Variants in ZDHHC7 observed in about 807,000 individuals in gnomAD.
ZDHHC7 encodes the protein zDHHC palmitoyltransferase 7, also known as palmitoyltransferase ZDHHC7.
Under a neutral mutation model 34.1 loss-of-function variants are expected in ZDHHC7, and 12 were observed. The observed-to-expected ratio is 0.35, with a 90% confidence interval of 0.23 to 0.57. ZDHHC7 has a LOEUF of 0.57. ZDHHC7 is among the 20% of genes least tolerant of loss of function. The pLI is 0.84. For synonymous variants in ZDHHC7, 185 were observed against 155.4 expected, an observed-to-expected ratio of 1.19 and a Z score of -1.42; for missense variants, 388 against 402.7, an observed-to-expected ratio of 0.96 and a Z score of 0.31.
intron 3 of ZDHHC7, among the ~76,000 whole-genome samples, chr16:84,987,448 G>A (rs1047318387): frequency 6.9e-6 from 1 of 145,210 alleles, no homozygotes; most frequent in African/African-American, 2.5e-5. Flanking sequence ...TTTGGGGTTT[G>A]TTTTTTTTTT....
At position 84,977,203 on chromosome 16, in the gene ZDHHC7, C is replaced by G. The variant is rs1028934628; in HGVS notation, c.642G>C (p.Pro214=). The G allele has an allele frequency of 6.2e-7, 1 of 1,614,102 alleles. No individual in the cohort carries two copies. Among genetic ancestry groups the G allele is most frequent in the Non-Finnish European group, 8.5e-7 (1 of 1,180,012 alleles). The change falls in exon 7 of 8, where the codon CCG becomes CCC. Residue 214 remains proline, a synonymous_variant. Coordinates refer to ENST00000313732, the MANE Select transcript of ZDHHC7 (RefSeq NM_017740.3). ...QWTECSDFSP[P]ITVILLIFLC... ...GGAAGATCAACAGGATTACAGTTAT[C>G]GGAGGTGAAAAATCACTGCATTCTG...
the ZDHHC7 span, among the ~76,000 whole-genome samples, chr16:85,024,162 C>A: frequency 6.6e-6 from 1 of 151,926 alleles, no homozygotes; most frequent in Admixed American, 6.6e-5. Flanking sequence ...AGATGATCCA[C>A]CCGCCTTGGC....
chr16:85,018,098 T>A, the ZDHHC7 span, among the ~76,000 whole-genome samples: 1 of 152,128 alleles, frequency 6.6e-6, no homozygotes, highest in African/African-American at 2.4e-5. Context: ...TTGGGTCCAG[T>A]TGGTCTCAGC....
At chr16:84,988,313 A>T (rs1311721649) in intron 3 of ZDHHC7, among the ~76,000 whole-genome samples, 1 of 152,092 alleles carries the variant, frequency 6.6e-6, no homozygotes, top group African/African-American at 2.4e-5. Flanking sequence ...GGTGATAAAA[A>T]TGTCCTAAAA....
intron 1 of ZDHHC7, among the ~76,000 whole-genome samples, chr16:84,996,665 C>T (rs116511042): frequency 0.18 from 27,633 of 151,632 alleles, 3,626 homozygotes; most frequent in African/African-American, 0.35. Flanking sequence ...CTCCCTAAGT[C>T]AGGGGCCACA....
At chr16:85,013,843 ACACC>A (rs2072823345), upstream of ZDHHC7, among the ~76,000 whole-genome samples, 1 of 151,674 alleles carries the variant, frequency 6.6e-6, no homozygotes, top group Non-Finnish European at 1.5e-5. Flanking sequence ...ACCCACCATC[ACACC>A]TGGCTAATTT....
the ZDHHC7 span, among the ~76,000 whole-genome samples, chr16:85,019,576 G>A: frequency 6.6e-6 from 1 of 152,100 alleles, no homozygotes; most frequent in East Asian, 1.9e-4. Flanking sequence ...AAATAGCCGG[G>A]CGTGGTGGCA....
intron 1 of ZDHHC7, among the ~76,000 whole-genome samples, chr16:85,002,218 T>A (rs1040996145): frequency 2.6e-5 from 4 of 152,088 alleles, no homozygotes; most frequent in Admixed American, 2.6e-4. Flanking sequence ...TGCCTGTGGC[T>A]CCTCCTCCTC....
intron 1 of ZDHHC7, among the ~76,000 whole-genome samples, chr16:84,996,336 C>T (rs1308092065): frequency 6.6e-6 from 1 of 152,176 alleles, no homozygotes; most frequent in South Asian, 2.1e-4. Flanking sequence ...TGCACTTCTA[C>T]CGTCGATAAG....
chr16:84,985,657 TA>T lies in ZDHHC7; in HGVS notation c.316-3664del, dbSNP rs1389020240. Among the ~76,000 whole-genome samples, 6 of 152,142 alleles carry T rather than the reference TA, an allele frequency of 3.9e-5. No homozygotes were observed. The South Asian group carries it at 1.0e-3, about 26-fold the overall frequency. ...ATCCTGATTCAAGGGAAAAAAATTA[TA>T]AAAGAATTGAGACAGGCCAGGCACG... On this transcript the variant is annotated intron_variant, in intron 3 of 7. Coordinates refer to ENST00000313732, the MANE Select transcript of ZDHHC7 (RefSeq NM_017740.3).
intron 1 of ZDHHC7, among the ~76,000 whole-genome samples, chr16:84,998,042 C>A (rs1275326966): frequency 6.7e-6 from 1 of 150,084 alleles, no homozygotes; most frequent in East Asian, 2.0e-4. Flanking sequence ...GGGCGGATCA[C>A]GAGATCAGGA....
intron 1 of ZDHHC7, among the ~76,000 whole-genome samples, chr16:85,003,077 T>C (rs1306397522): frequency 6.6e-6 from 1 of 152,014 alleles, no homozygotes; most frequent in African/African-American, 2.4e-5. Context: ...GATGATGGGC[T>C]AGAAAAGCAG....
chr16:85,017,572 GAATA>G, the ZDHHC7 span, among the ~76,000 whole-genome samples: 3 of 152,162 alleles, frequency 2.0e-5, no homozygotes, highest in East Asian at 1.9e-4. Context: ...TGAACAGAAT[GAATA>G]AATTGTGGCG....
chr16:85,008,577 C>A (rs553331943), intron 1 of ZDHHC7, among the ~76,000 whole-genome samples: 24 of 151,838 alleles, frequency 1.6e-4, no homozygotes, highest in Admixed American at 4.6e-4. Flanking sequence ...GGCACTATTC[C>A]CACTCAACTT....
rs547223299 is a variant in ZDHHC7 at position 84,979,943 on chromosome 16, C to T, written c.441-658G>A. ...GCTGCAGGCAGACTTGCTATCATAG[C>T]GTCACCTTTTTTTTTTTTTTTTTTT... On this transcript the variant is annotated intron_variant, in intron 4 of 7. Transcript: ENST00000313732. Among the ~76,000 whole-genome samples, 7 of 141,254 alleles carry T rather than the reference C, an allele frequency of 5.0e-5. No individual in the cohort carries two copies. The South Asian group carries it at 1.6e-3, about 32-fold the overall frequency. 92.7% of individuals were successfully genotyped at this position (141,254 alleles called of 152,430 possible).
At chr16:85,009,834 G>A (rs781193832) in intron 1 of ZDHHC7, among the ~76,000 whole-genome samples, 3 of 149,376 alleles carry the variant, frequency 2.0e-5, no homozygotes, top group African/African-American at 2.5e-5. Flanking sequence ...TTAGCCTCCC[G>A]AGTAGCTGGG....
chr16:85,006,875 G>A (rs976718523), intron 1 of ZDHHC7, among the ~76,000 whole-genome samples: 2 of 150,772 alleles, frequency 1.3e-5, no homozygotes, highest in Non-Finnish European at 2.9e-5. Flanking sequence ...GTGCTCCTTT[G>A]GATTCCCCTT....
At chr16:85,027,577 C>T in the ZDHHC7 span, among the ~76,000 whole-genome samples, 7 of 152,338 alleles carry the variant, frequency 4.6e-5, no homozygotes, top group South Asian at 2.1e-4. Flanking sequence ...AGCAAGGGGG[C>T]GCCGGGCGTA....
At chr16:85,017,586 G>A in the ZDHHC7 span, among the ~76,000 whole-genome samples, 27,586 of 152,048 alleles carry the variant, frequency 0.18, 2,734 homozygotes, top group Admixed American at 0.29. Flanking sequence ...AAATTGTGGC[G>A]TATTTGTGCA....
Sources: gnomAD v4.1 joint callset for allele counts (sites outside exome capture counted in the v4.1 genomes callset) on GRCh38, gnomAD v4.1.1 for gene constraint, MANE v1.5 for transcripts, NCBI Gene and HGNC (gene_info 2026-07-23, HGNC 2026-07-21) for gene names.